CLMN: variants seen among roughly 807,000 people sequenced by gnomAD.
CLMN encodes calmin, also known as calmin (calponin-like, transmembrane).
A neutral mutation model predicts 92.7 loss-of-function variants in CLMN; 57 were observed. The observed-to-expected ratio is 0.61, with a 90% CI of 0.50 to 0.77. CLMN has a LOEUF of 0.77. CLMN is among the 30% of genes least tolerant of loss of function. The pLI, the probability that CLMN is intolerant of heterozygous loss-of-function variation, is 0.00. For missense variants in CLMN, 1,158 were observed against 1,237.5 expected, an observed-to-expected ratio of 0.94 and a Z score of 0.96; for synonymous variants, 466 against 470.6, an observed-to-expected ratio of 0.99 and a Z score of 0.13.
Position 95,185,010 on chromosome 14 carries a change from G to A in CLMN, c.*6554C>T, listed in dbSNP as rs574308083. 2.0e-5 allele frequency: 3 copies of A among 152,520 alleles called. No homozygotes were observed. In the South Asian group the frequency reaches 6.2e-4, roughly 32 times the overall value. The allele number at this position is 152,520 out of a possible 1,614,324, so 9.4% of individuals were successfully genotyped here. ...ACTACCAGCTACTTGGGAGGCTGAGGCAGGAGGATTGCCTGAGCCCAGGAG... is the reference window on the plus strand; with the variant it reads ...ACTACCAGCTACTTGGGAGGCTGAGACAGGAGGATTGCCTGAGCCCAGGAG... On this transcript the variant is annotated 3_prime_UTR_variant, in exon 13 of 13. Transcript: ENST00000298912.
rs1172622441 is a variant in CLMN, at chr14:95,292,646, C to T, written c.82+27065G>A. On this transcript the variant is annotated intron_variant, in intron 1 of 12. Coordinates refer to ENST00000298912, the MANE Select transcript of CLMN (RefSeq NM_024734.4). ...GGACCGACGGTACCCTCTGACTTCA[C>T]CTGCTCTGCAGATTCCCAGGCTGGT... Among the ~76,000 whole-genome samples, 4 of 152,146 alleles carry T rather than the reference C, an allele frequency of 2.6e-5. 1 individual carries two copies. The highest frequency in any genetic ancestry group is 2.6e-4 in the Admixed American group (4 of 15,280).
At chr14:95,310,739 C>T (rs932759161) in intron 1 of CLMN, among the ~76,000 whole-genome samples, 2 of 152,158 alleles carry the variant, frequency 1.3e-5, no homozygotes, top group Admixed American at 1.3e-4. Context: ...ACACACAGGG[C>T]CCAAAAAGGC....
chr14:95,203,037 T>G lies in CLMN; in HGVS notation c.2312A>C (p.Glu771Ala), dbSNP rs147963787. 8.5e-4 allele frequency: 1,378 copies of G among 1,614,154 alleles called. 5 individuals carry two copies. Among genetic ancestry groups the G allele is most frequent in the Middle Eastern group, 7.6e-3 (46 of 6,062 alleles). ...GCTCTGAGAGCCATCGGCCTCCTCC[T>G]CCCTGGAGTCCAGGTCTGGCATATA... ...EGYMPDLDSR[E>A]EEADGSQSSS... Residue 771 changes from glutamate to alanine, a missense_variant, in exon 9 of 13, where the codon GAG (glutamate) becomes GCG (alanine). By Grantham distance (107) the Glu-to-Ala change is moderately radical (BLOSUM62 -1). Coordinates refer to ENST00000298912, the MANE Select transcript of CLMN (RefSeq NM_024734.4).
chr14:95,254,610 A>T (rs1348147005), intron 1 of CLMN, among the ~76,000 whole-genome samples: 1 of 152,168 alleles, frequency 6.6e-6, no homozygotes, highest in Non-Finnish European at 1.5e-5. Flanking sequence ...TTATGGGCTG[A>T]ACGGTGTTCT....
chr14:95,206,583 G>A (rs1468070974), intron 8 of CLMN, among the ~76,000 whole-genome samples: 2 of 152,222 alleles, frequency 1.3e-5, no homozygotes, highest in African/African-American at 4.8e-5. Context: ...AAATAACTCA[G>A]CAGAATTGTT....
chr14:95,319,796 G>C lies in CLMN; in HGVS notation c.-4C>G. The C allele has an allele frequency of 2.6e-6, 4 of 1,530,540 alleles. No homozygotes were observed. The highest frequency in any genetic ancestry group is 3.5e-6 in the Non-Finnish European group (4 of 1,142,108). 94.8% of individuals were successfully genotyped at this position (1,530,540 alleles called of 1,614,324 possible). On this transcript the variant is annotated 5_prime_UTR_variant, in exon 1 of 13. Coordinates refer to ENST00000298912, the MANE Select transcript of CLMN (RefSeq NM_024734.4). ...AGTCCCACTCGTGTGCAGCCATGAAGCGCGGGCGGGAGAGCCCGGGCCAGC... is the reference window on the plus strand; with the variant it reads ...AGTCCCACTCGTGTGCAGCCATGAACCGCGGGCGGGAGAGCCCGGGCCAGC...
intron 1 of CLMN, among the ~76,000 whole-genome samples, chr14:95,271,226 T>A (rs902459022): frequency 6.6e-6 from 1 of 152,250 alleles, no homozygotes; most frequent in Non-Finnish European, 1.5e-5. Flanking sequence ...GATATACAAT[T>A]TGCAAATATT....
At position 95,193,562 on chromosome 14, in the gene CLMN, CACTCATTTAA is replaced by C. The variant is rs1476890171; in HGVS notation, c.2840+277_2840+286del. The C allele has an allele frequency of 7.5e-6, 5 of 670,778 alleles. No homozygotes were observed. The African/African-American group carries it at 9.1e-5, about 12-fold the overall frequency. 41.6% of individuals were successfully genotyped at this position (670,778 alleles called of 1,614,324 possible). ...CACTAAACCACCCTATACTCTATACCACTCATTTAAACACAGCTGCAGGCTCAGAACCCAG... is the reference window on the plus strand; with the variant it reads ...CACTAAACCACCCTATACTCTATACCACACAGCTGCAGGCTCAGAACCCAG... On this transcript the variant is annotated intron_variant, in intron 12 of 12. Transcript: ENST00000298912.
chr14:95,229,598 T>C (rs992883915), intron 2 of CLMN, among the ~76,000 whole-genome samples: 3 of 152,190 alleles, frequency 2.0e-5, no homozygotes, highest in Admixed American at 2.0e-4. Context: ...TGTGGCACTA[T>C]GCAGGATGCC....
rs1391222901 is a variant in CLMN at position 95,186,537 on chromosome 14, T to C, written c.*5027A>G. On this transcript the variant is annotated 3_prime_UTR_variant, in exon 13 of 13. Transcript: ENST00000298912. ...ACGTTCAACAGAGAATCCGCGCTGT[T>C]TGTTTGCTGGCAAACACCTGTGTGG... 1.3e-5 allele frequency: 2 copies of C among 151,608 alleles called. No individual in the cohort carries two copies. Among genetic ancestry groups the C allele is most frequent in the Non-Finnish European group, 2.9e-5 (2 of 67,858 alleles). The allele number at this position is 151,608 out of a possible 1,614,324, so 9.4% of individuals were successfully genotyped here. A position where few individuals can be genotyped will look rare whatever the true frequency, so the allele number is the denominator to read the frequency against.
intron 1 of CLMN, among the ~76,000 whole-genome samples, chr14:95,315,303 C>A (rs929125622): frequency 5.3e-5 from 8 of 152,110 alleles, no homozygotes; most frequent in African/African-American, 1.7e-4. Flanking sequence ...TCACATGGGA[C>A]CATGATACCA....
At chr14:95,225,220 T>C (rs1388267133) in intron 2 of CLMN, among the ~76,000 whole-genome samples, 1 of 149,776 alleles carries the variant, frequency 6.7e-6, no homozygotes, top group East Asian at 2.0e-4. Context: ...CTGAGATAAA[T>C]CAACATTGCA....
intron 1 of CLMN, among the ~76,000 whole-genome samples, chr14:95,297,396 C>T (rs778892675): frequency 3.9e-5 from 6 of 152,162 alleles, no homozygotes; most frequent in Non-Finnish European, 8.8e-5. Context: ...TTCAGCCTTT[C>T]CTGTGTACAG....
intron 1 of CLMN, among the ~76,000 whole-genome samples, chr14:95,300,404 G>A (rs78149822): frequency 0.012 from 1,791 of 152,268 alleles, 21 homozygotes; most frequent in Non-Finnish European, 0.019. Flanking sequence ...CTCTGATAAC[G>A]CCCCAGTCCA....
At chr14:95,292,451 C>T (rs1900612491) in intron 1 of CLMN, among the ~76,000 whole-genome samples, 1 of 140,450 alleles carries the variant, frequency 7.1e-6, no homozygotes, top group Admixed American at 7.1e-5. Flanking sequence ...CCCCCACCCC[C>T]ACCTCCACCC....
chr14:95,227,314 A>T (rs1030164345), intron 2 of CLMN, among the ~76,000 whole-genome samples: 1 of 152,182 alleles, frequency 6.6e-6, no homozygotes, highest in Admixed American at 6.5e-5. Flanking sequence ...CCGCAGGTGC[A>T]CAGAAAAGGG....
intron 1 of CLMN, among the ~76,000 whole-genome samples, chr14:95,247,854 G>C (rs1898631768): frequency 6.6e-6 from 1 of 152,034 alleles, no homozygotes; most frequent in Admixed American, 6.6e-5. Context: ...GACTAGTGAG[G>C]AAGGAAGAAA....
In CLMN at chr14:95,182,104, T is replaced by C. The variant is rs939260137; in HGVS notation, c.*9460A>G. 1.3e-5 allele frequency: 2 copies of C among 152,232 alleles called. No homozygotes were observed. Among genetic ancestry groups the C allele is most frequent in the Non-Finnish European group, 2.9e-5 (2 of 68,036 alleles). 9.4% of individuals were successfully genotyped at this position (152,232 alleles called of 1,614,324 possible). A position where few individuals can be genotyped will look rare whatever the true frequency, so the allele number is the denominator to read the frequency against. Reference sequence around the variant, plus strand: ...TAAATTATTCAAATAGCCATTTATATCTTAATTTACAGTAATCAATAAATA... The same window carrying C: ...TAAATTATTCAAATAGCCATTTATACCTTAATTTACAGTAATCAATAAATA... On this transcript the variant is annotated 3_prime_UTR_variant, in exon 13 of 13. Coordinates refer to ENST00000298912, the MANE Select transcript of CLMN (RefSeq NM_024734.4).
chr14:95,248,960 G>A (rs548943225), intron 1 of CLMN, among the ~76,000 whole-genome samples: 2 of 152,110 alleles, frequency 1.3e-5, no homozygotes, highest in South Asian at 2.1e-4. Context: ...AACACCAATC[G>A]GGGGAAATAT....
Sources: allele counts gnomAD v4.1 joint callset (sites outside exome capture counted in the v4.1 genomes callset), GRCh38; gene constraint gnomAD v4.1.1; transcripts MANE v1.5; gene names NCBI Gene and HGNC (gene_info 2026-07-23, HGNC 2026-07-21).